Variants in SOX5 observed in about 807,000 individuals in gnomAD.
SOX5 encodes SRY-box transcription factor 5, also known as transcription factor SOX-5.
Under a neutral mutation model 92.0 loss-of-function variants are expected in SOX5, and 9 were observed. The observed-to-expected ratio is 0.10, with a 90% CI of 0.06 to 0.17. The LOEUF (loss-of-function observed/expected upper bound fraction) is 0.17. SOX5 is among the 10% of genes least tolerant of loss of function. The pLI is 1.00. For synonymous variants in SOX5, 344 were observed against 336.3 expected, an observed-to-expected ratio of 1.02 and a Z score of -0.25; for missense variants, 642 against 944.5, an observed-to-expected ratio of 0.68 and a Z score of 4.20.
intron 4 of SOX5, among the ~76,000 whole-genome samples, chr12:24,039,588 G>A (rs1956336784): frequency 6.6e-6 from 1 of 152,162 alleles, no homozygotes; most frequent in Non-Finnish European, 1.5e-5. Context: ...ATATATACCT[G>A]AGGTAGTTAA....
At chr12:23,837,234 ATTT>A (rs2096432795) in intron 3 of SOX5, among the ~76,000 whole-genome samples, 1 of 82,330 alleles carries the variant, frequency 1.2e-5, no homozygotes, top group African/African-American at 3.4e-5. Flanking sequence ...TATAATATAT[ATTT>A]ATATAATATA....
chr12:24,552,173 C>T (rs1248295201), intron 1 of SOX5, among the ~76,000 whole-genome samples: 1 of 152,014 alleles, frequency 6.6e-6, no homozygotes, highest in Non-Finnish European at 1.5e-5. Context: ...TTACTAAAGG[C>T]TCTTTAAATT....
chr12:24,421,662 T>TG (rs1183472976), intron 1 of SOX5, among the ~76,000 whole-genome samples: 4 of 152,212 alleles, frequency 2.6e-5, no homozygotes, highest in Non-Finnish European at 5.9e-5. Context: ...ATTCCTGTTT[T>TG]CTTCTTGTTT....
chr12:24,347,370 G>T (rs1459903140), intron 2 of SOX5, among the ~76,000 whole-genome samples: 1 of 152,100 alleles, frequency 6.6e-6, no homozygotes, highest in Non-Finnish European at 1.5e-5. Flanking sequence ...ATCCTTCAAG[G>T]ATAACCAGGG....
intron 1 of SOX5, among the ~76,000 whole-genome samples, chr12:23,896,694 A>G (rs2097180905): frequency 6.6e-6 from 1 of 150,392 alleles, no homozygotes; most frequent in African/African-American, 2.4e-5. Context: ...TTTAGTTATA[A>G]TAACAAAGTT....
rs1414986824 is a variant in SOX5 at position 23,863,840 on chromosome 12, ACT to A, written c.271-17649_271-17648del. Among the ~76,000 whole-genome samples, 3 of 139,616 alleles carry A rather than the reference ACT, an allele frequency of 2.1e-5. No individual in the cohort carries two copies. The Admixed American group carries it at 2.2e-4, about 10-fold the overall frequency. The allele number at this position is 139,616 out of a possible 152,430, so 91.6% of individuals were successfully genotyped here. On this transcript the variant is annotated intron_variant, in intron 2 of 14. Transcript: ENST00000451604. ...CACACACACACACACACACACACAC[ACT>A]CTGAAATAAAGTATGGTCACAAAAT...
chr12:24,212,263 G>A (rs1339736011), intron 4 of SOX5, among the ~76,000 whole-genome samples: 1 of 152,146 alleles, frequency 6.6e-6, no homozygotes, highest in Non-Finnish European at 1.5e-5. Flanking sequence ...ATGTCCTAAT[G>A]TTCATGCTAA....
chr12:23,875,621 T>A (rs1429147474), intron 2 of SOX5, among the ~76,000 whole-genome samples: 1 of 152,072 alleles, frequency 6.6e-6, no homozygotes, highest in African/African-American at 2.4e-5. Context: ...CCTGATAATA[T>A]AGTATCACAT....
At chr12:23,580,901 C>A (rs1949948041) in intron 9 of SOX5, among the ~76,000 whole-genome samples, 1 of 152,024 alleles carries the variant, frequency 6.6e-6, no homozygotes, top group Non-Finnish European at 1.5e-5. Flanking sequence ...GCCTTAGACG[C>A]ACTGAGGGAA....
intron 1 of SOX5, among the ~76,000 whole-genome samples, chr12:24,420,503 T>G (rs1388056354): frequency 1.3e-5 from 2 of 152,136 alleles, no homozygotes; most frequent in Non-Finnish European, 2.9e-5. Context: ...GAATTCACAA[T>G]GATATTTAAA....
At chr12:24,049,304 G>A (rs1197991175) in intron 4 of SOX5, among the ~76,000 whole-genome samples, 3 of 152,166 alleles carry the variant, frequency 2.0e-5, no homozygotes, top group African/African-American at 4.8e-5. Flanking sequence ...AGACCAAGGC[G>A]TGATGAAAAA....
chr12:23,843,554 CTTTT>C (rs71059931), intron 3 of SOX5, among the ~76,000 whole-genome samples: 2 of 71,332 alleles, frequency 2.8e-5, no homozygotes, highest in South Asian at 6.8e-4. Context: ...GTCATTTCTC[CTTTT>C]TTTTTTTTTT....
chr12:23,869,703 T>C (rs1440867684), intron 2 of SOX5, among the ~76,000 whole-genome samples: 2 of 152,134 alleles, frequency 1.3e-5, no homozygotes, highest in African/African-American at 4.8e-5. Flanking sequence ...CTTTTCATAC[T>C]AAGACTTCCC....
chr12:24,516,694 G>A (rs1477431143), intron 1 of SOX5, among the ~76,000 whole-genome samples: 1 of 152,040 alleles, frequency 6.6e-6, no homozygotes, highest in East Asian at 1.9e-4. Flanking sequence ...TATAGTCTGA[G>A]TTACAATTTT....
At chr12:24,347,445 TA>T (rs1385553842) in intron 2 of SOX5, among the ~76,000 whole-genome samples, 1 of 152,166 alleles carries the variant, frequency 6.6e-6, no homozygotes, top group South Asian at 2.1e-4. Flanking sequence ...CTCACATGCT[TA>T]TTTTTTTGTG....
intron 4 of SOX5, among the ~76,000 whole-genome samples, chr12:24,068,171 A>C (rs1449191861): frequency 3.3e-5 from 5 of 152,136 alleles, no homozygotes; most frequent in Non-Finnish European, 7.3e-5. Context: ...AAAAAACTTA[A>C]AGGGTAATAA....
chr12:23,654,386 G>A (rs997760646), intron 7 of SOX5, among the ~76,000 whole-genome samples: 5 of 151,868 alleles, frequency 3.3e-5, no homozygotes, highest in Non-Finnish European at 1.5e-5. Context: ...AATGATTTCT[G>A]TTCATCAACA....
At chr12:24,530,674 T>C (rs2138642858) in intron 1 of SOX5, among the ~76,000 whole-genome samples, 1 of 151,550 alleles carries the variant, frequency 6.6e-6, no homozygotes, top group Admixed American at 6.6e-5. Context: ...CTAGTTTTCA[T>C]TGCCTTCTCT....
At chr12:23,843,542 C>T (rs1010873112) in intron 3 of SOX5, among the ~76,000 whole-genome samples, 1 of 135,990 alleles carries the variant, frequency 7.4e-6, no homozygotes, top group African/African-American at 2.8e-5. Context: ...GAATATTTGA[C>T]AGTCATTTCT....
Sources: allele counts gnomAD v4.1 joint callset (sites outside exome capture counted in the v4.1 genomes callset), GRCh38; gene constraint gnomAD v4.1.1; transcripts MANE v1.5; gene names NCBI Gene and HGNC (gene_info 2026-07-23, HGNC 2026-07-21).